The following MGMT variants were observed in gnomAD, a reference collection of about 807,000 sequenced individuals.
MGMT encodes the protein methylated-DNA--protein-cysteine methyltransferase.
MGMT carries 14 observed loss-of-function variants against 15.9 expected under a neutral mutation model. The ratio of observed to expected loss-of-function variants is 0.88; its 90% CI spans 0.58 to 1.37. The LOEUF (loss-of-function observed/expected upper bound fraction) is 1.37, where lower values mean the gene tolerates loss of function less well. MGMT is among the 40% of genes most tolerant of loss of function. The pLI is 0.00. For synonymous variants in MGMT, 130 were observed against 118.2 expected (o/e 1.10, Z -0.65); for missense variants, 282 against 268.1 (o/e 1.05, Z -0.36).
intron 4 of MGMT, among the ~76,000 whole-genome samples, chr10:129,765,705 G>A (rs11016917): frequency 0.31 from 47,148 of 152,024 alleles, 7,590 homozygotes; most frequent in Admixed American, 0.39. Flanking sequence ...AGATCAGGGC[G>A]CCCCGAACCC....
intron 2 of MGMT, among the ~76,000 whole-genome samples, chr10:129,552,385 G>GC: frequency 6.6e-6 from 1 of 152,356 alleles, no homozygotes; most frequent in Non-Finnish European, 1.5e-5. Context: ...AGACCTGTGT[G>GC]CCCCCGGGCC....
chr10:129,523,776 G>C lies in MGMT; in HGVS notation c.-12-12465G>C, dbSNP rs193083768. Among the ~76,000 whole-genome samples the C allele has an allele frequency of 1.2e-4, 18 of 152,334 alleles. No individual in the cohort carries two copies. In the East Asian group the frequency reaches 3.5e-3, roughly 29 times the overall value. On this transcript the variant is annotated intron_variant, in intron 1 of 4. Coordinates refer to ENST00000651593, the MANE Select transcript of MGMT (RefSeq NM_002412.5). ...GAGAGCAGAGGTGGCCTCATGTTCT[G>C]AGCAGAGGGTGCCATGGTATTTCTG...
intron 2 of MGMT, among the ~76,000 whole-genome samples, chr10:129,563,277 G>A (rs556713969): frequency 1.3e-5 from 2 of 152,280 alleles, no homozygotes; most frequent in South Asian, 2.1e-4. Context: ...ATGCAGAGGC[G>A]AGGACAGTGT....
At chr10:129,676,148 G>C (rs1391735126) in intron 2 of MGMT, among the ~76,000 whole-genome samples, 5 of 152,234 alleles carry the variant, frequency 3.3e-5, no homozygotes, top group African/African-American at 7.2e-5. Flanking sequence ...CCACCATCCT[G>C]TGCGTGAATC....
intron 1 of MGMT, among the ~76,000 whole-genome samples, chr10:129,484,843 T>G (rs900729401): frequency 6.6e-6 from 1 of 152,172 alleles, no homozygotes; most frequent in Non-Finnish European, 1.5e-5. Flanking sequence ...CAGGTTTTAG[T>G]CCAGGGATAG....
At chr10:129,618,858 A>T (rs929466769) in intron 2 of MGMT, among the ~76,000 whole-genome samples, 1 of 152,188 alleles carries the variant, frequency 6.6e-6, no homozygotes, top group Non-Finnish European at 1.5e-5. Flanking sequence ...AGTTTGCTGA[A>T]CAAATTTATT....
chr10:129,469,884 T>C (rs1159536051), intron 1 of MGMT, among the ~76,000 whole-genome samples: 1 of 151,942 alleles, frequency 6.6e-6, no homozygotes, highest in Non-Finnish European at 1.5e-5. Context: ...TTGTTGTTGT[T>C]GTTGTTTTTA....
At chr10:129,506,495 A>G (rs1163788067) in intron 1 of MGMT, among the ~76,000 whole-genome samples, 1 of 152,142 alleles carries the variant, frequency 6.6e-6, no homozygotes, top group Non-Finnish European at 1.5e-5. Flanking sequence ...GGGCTGGTGA[A>G]GTAGCCGTTC....
intron 1 of MGMT, among the ~76,000 whole-genome samples, chr10:129,485,854 A>T (rs1845403129): frequency 6.6e-6 from 1 of 152,238 alleles, no homozygotes; most frequent in African/African-American, 2.4e-5. Context: ...GAGATTGCTC[A>T]GATTACACAA....
Position 129,637,537 on chromosome 10 carries a change from G to A in MGMT, c.126-70358G>A, listed in dbSNP as rs573639685. The stretch of plus-strand genomic sequence containing the variant: ...ATGAGGTAAGAGATCTGCCTAGGGG[G>A]CAGGATCGAAGGAGGCTGTCACTCT... On this transcript the variant is annotated intron_variant, in intron 2 of 4. Coordinates refer to ENST00000651593, the MANE Select transcript of MGMT (RefSeq NM_002412.5). Among the ~76,000 whole-genome samples the A allele has an allele frequency of 1.1e-4, 16 of 152,328 alleles. No individual in the cohort carries two copies. The East Asian group carries it at 2.7e-3, about 26-fold the overall frequency.
At chr10:129,573,692 T>G (rs1846445704) in intron 2 of MGMT, among the ~76,000 whole-genome samples, 1 of 152,246 alleles carries the variant, frequency 6.6e-6, no homozygotes, top group Admixed American at 6.5e-5. Context: ...CAGTATCTTT[T>G]GAATTACTCG....
intron 2 of MGMT, among the ~76,000 whole-genome samples, chr10:129,605,768 G>A (rs966513809): frequency 2.0e-5 from 3 of 152,102 alleles, no homozygotes; most frequent in African/African-American, 4.8e-5. Flanking sequence ...TTTGTTTTGC[G>A]TATTAGCTTG....
intron 1 of MGMT, among the ~76,000 whole-genome samples, chr10:129,481,705 T>A (rs1193559235): frequency 6.6e-6 from 1 of 152,212 alleles, no homozygotes; most frequent in Non-Finnish European, 1.5e-5. Context: ...TTCATCTAAG[T>A]TTGTTGAATT....
intron 1 of MGMT, among the ~76,000 whole-genome samples, chr10:129,502,154 A>G (rs913219072): frequency 3.1e-4 from 47 of 152,190 alleles, no homozygotes; most frequent in African/African-American, 1.1e-3. Context: ...GAGTGTGTCT[A>G]TGTCCTGGAG....
At chr10:129,611,827 G>A (rs915231949) in intron 2 of MGMT, among the ~76,000 whole-genome samples, 4 of 152,208 alleles carry the variant, frequency 2.6e-5, no homozygotes, top group Non-Finnish European at 5.9e-5. Context: ...TAGAGCTGGG[G>A]TGTGATGCAC....
intron 2 of MGMT, among the ~76,000 whole-genome samples, chr10:129,569,614 A>G (rs1480211598): frequency 2.0e-5 from 3 of 152,288 alleles, no homozygotes; most frequent in Non-Finnish European, 4.4e-5. Context: ...AATCCCAGTC[A>G]TGAGGGGACC....
chr10:129,571,949 A>T (rs943113793), intron 2 of MGMT, among the ~76,000 whole-genome samples: 11 of 152,202 alleles, frequency 7.2e-5, no homozygotes, highest in African/African-American at 2.4e-4. Context: ...TCCATTTGAC[A>T]ATTCACGGTG....
intron 2 of MGMT, among the ~76,000 whole-genome samples, chr10:129,638,466 C>G (rs371172524): frequency 2.4e-5 from 2 of 81,642 alleles, no homozygotes; most frequent in African/African-American, 8.8e-5. Context: ...AGAAAAATAA[C>G]TGACGTCTAT....
At chr10:129,543,750 A>G (rs1183027264) in intron 2 of MGMT, among the ~76,000 whole-genome samples, 2 of 152,088 alleles carry the variant, frequency 1.3e-5, no homozygotes, top group Non-Finnish European at 2.9e-5. Context: ...TTACAAGGAG[A>G]CAGAGATGGC....
Sources: allele counts gnomAD v4.1 joint callset (sites outside exome capture counted in the v4.1 genomes callset), GRCh38; gene constraint gnomAD v4.1.1; transcripts MANE v1.5; gene names NCBI Gene and HGNC (gene_info 2026-07-23, HGNC 2026-07-21).